EDNRB: variants seen among roughly 807,000 people sequenced by gnomAD.
EDNRB encodes Hirschsprung disease 2.
In EDNRB, 18 loss-of-function variants were observed where a neutral mutation model predicts 46.4. That is an observed-to-expected ratio of 0.39 (90% CI 0.27 to 0.57). EDNRB has a LOEUF of 0.57. Ranked by LOEUF, EDNRB falls within the 20% of genes least tolerant of loss-of-function variation. EDNRB has a pLI of 0.61. For synonymous variants in EDNRB, 213 were observed against 204.9 expected, an observed-to-expected ratio of 1.04 and a Z score of -0.34; for missense variants, 434 against 537.5, an observed-to-expected ratio of 0.81 and a Z score of 1.90.
chr13:77,902,314 T>C (rs1043276848), intron 3 of EDNRB, among the ~76,000 whole-genome samples: 7 of 151,988 alleles, frequency 4.6e-5, no homozygotes, highest in African/African-American at 1.4e-4. Flanking sequence ...AGTAAATTCC[T>C]CTTCAAAGAA....
chr13:77,943,856 T>A (rs7332993), intron 1 of EDNRB, among the ~76,000 whole-genome samples: 90,130 of 151,812 alleles, frequency 0.59, 28,095 homozygotes, highest in Middle Eastern at 0.74. Context: ...TTCTAGAAAA[T>A]TTTAACCTAC....
At chr13:77,934,302 G>A (rs1475432137) in intron 1 of EDNRB, among the ~76,000 whole-genome samples, 1 of 152,272 alleles carries the variant, frequency 6.6e-6, no homozygotes, top group South Asian at 2.1e-4. Flanking sequence ...TTAAGTTGGT[G>A]GCTGAACTTG....
chr13:77,913,529 T>A (rs1236528826), intron 1 of EDNRB, among the ~76,000 whole-genome samples: 1 of 152,164 alleles, frequency 6.6e-6, no homozygotes, highest in Admixed American at 6.6e-5. Context: ...ATGCAATTTC[T>A]TTACACATAA....
intron 3 of EDNRB, among the ~76,000 whole-genome samples, chr13:77,901,457 A>G (rs1355902847): frequency 6.6e-6 from 1 of 152,024 alleles, no homozygotes; most frequent in Non-Finnish European, 1.5e-5. Flanking sequence ...CAAAAACTTA[A>G]GTAGTTAGGC....
At chr13:77,931,751 A>C (rs943322727) in intron 1 of EDNRB, among the ~76,000 whole-genome samples, 3 of 141,716 alleles carry the variant, frequency 2.1e-5, no homozygotes, top group African/African-American at 7.9e-5. Context: ...TAGCAAAAAA[A>C]AAAAAAAAAC....
Position 77,901,088 on chromosome 13 carries a change from C to G in EDNRB, c.921G>C (p.Met307Ile). ...TTAGGTGATCATTTAAAGCAATCTGCATGCCACTTTTCTTTCTCAACATTT... is the reference window on the plus strand; with the variant it reads ...TTAGGTGATCATTTAAAGCAATCTGGATGCCACTTTTCTTTCTCAACATTT... ...TCEMLRKKSG[M>I]QIALNDHLKQ... Residue 307 changes from methionine (M) to isoleucine (I), a missense_variant, in exon 4 of 7, where the codon ATG (methionine) becomes ATC (isoleucine). Transcript: ENST00000646607. The G allele has an allele frequency of 1.2e-6, 2 of 1,611,118 alleles. No individual in the cohort carries two copies. Among genetic ancestry groups the G allele is most frequent in the Non-Finnish European group, 1.7e-6 (2 of 1,178,350 alleles).
upstream of EDNRB, among the ~76,000 whole-genome samples, chr13:77,923,098 G>A (rs1880131360): frequency 6.6e-6 from 1 of 152,114 alleles, no homozygotes; most frequent in Non-Finnish European, 1.5e-5. Flanking sequence ...AATTTGATAG[G>A]TTTAATGTAA....
chr13:77,957,539 T>C (rs1881275569), intron 1 of EDNRB, among the ~76,000 whole-genome samples: 1 of 152,210 alleles, frequency 6.6e-6, no homozygotes, highest in Non-Finnish European at 1.5e-5. Flanking sequence ...AATTTTTATT[T>C]TCCCAGTCTG....
At chr13:77,907,534 C>A (rs1162338377) in intron 1 of EDNRB, among the ~76,000 whole-genome samples, 1 of 151,974 alleles carries the variant, frequency 6.6e-6, no homozygotes, top group African/African-American at 2.4e-5. Context: ...ATCTACCTAT[C>A]CATCCATCTA....
At chr13:77,923,142 T>C (rs916622785), upstream of EDNRB, among the ~76,000 whole-genome samples, 3 of 152,214 alleles carry the variant, frequency 2.0e-5, no homozygotes, top group African/African-American at 7.2e-5. Context: ...CTTTTCTGCC[T>C]ATAGAAAATA....
At position 77,918,034 on chromosome 13, in the gene EDNRB, G is replaced by C; in HGVS notation, c.483+57C>G. 6.2e-7 allele frequency: 1 copy of C among 1,612,298 alleles called. No individual in the cohort carries two copies. The highest frequency in any genetic ancestry group is 8.5e-7 in the Non-Finnish European group (1 of 1,179,838). On this transcript the variant is annotated intron_variant, in intron 1 of 6. Coordinates refer to ENST00000646607, the MANE Select transcript of EDNRB (RefSeq NM_001122659.3). The surrounding 1 kb of genome is among the most constrained non-coding windows in gnomAD (Gnocchi z 4.5). ...CCTCTACAAGCTTTCTCATCTCCCCGTCTCCAACCAGGCCCCCTTCCTCAA... is the reference window on the plus strand; with the variant it reads ...CCTCTACAAGCTTTCTCATCTCCCCCTCTCCAACCAGGCCCCCTTCCTCAA...
chr13:77,969,619 C>G (rs181326483), intron 1 of EDNRB, among the ~76,000 whole-genome samples: 1 of 152,116 alleles, frequency 6.6e-6, no homozygotes, highest in African/African-American at 2.4e-5. Context: ...CAGGCTGATC[C>G]GAGGCCCCTG....
At chr13:77,899,729 T>C in intron 6 of EDNRB, 130 bp downstream of exon 6, 1 of 718,646 alleles carries the variant, frequency 1.4e-6, no homozygotes, top group Non-Finnish European at 2.3e-6. Flanking sequence ...AAAAAAATCA[T>C]CCATGATGTA....
chr13:77,902,710 A>G (rs1879061422), intron 3 of EDNRB, among the ~76,000 whole-genome samples: 1 of 152,014 alleles, frequency 6.6e-6, no homozygotes, highest in Non-Finnish European at 1.5e-5. Context: ...AGTGGGAACT[A>G]GCTACATCAG....
intron 1 of EDNRB, among the ~76,000 whole-genome samples, chr13:77,956,626 G>T (rs903383237): frequency 2.6e-5 from 4 of 152,184 alleles, no homozygotes; most frequent in Non-Finnish European, 5.9e-5. Context: ...GCTAAAAATA[G>T]CACAAATTTA....
intron 1 of EDNRB, among the ~76,000 whole-genome samples, chr13:77,929,633 T>G (rs1880333576): frequency 1.3e-5 from 2 of 152,268 alleles, no homozygotes; most frequent in East Asian, 3.9e-4. Context: ...GGGTGACTAT[T>G]CCAACACTTT....
intron 2 of EDNRB, 52 bp downstream of exon 2, chr13:77,903,443 G>C (rs1288264224): frequency 6.2e-7 from 1 of 1,609,468 alleles, no homozygotes; most frequent in South Asian, 1.1e-5. Context: ...AAGTAACATG[G>C]AAAACAATAG....
At chr13:77,970,667 T>C (rs1338952599) in intron 1 of EDNRB, among the ~76,000 whole-genome samples, 1 of 152,154 alleles carries the variant, frequency 6.6e-6, no homozygotes, top group Non-Finnish European at 1.5e-5. Flanking sequence ...CTTAATTTTA[T>C]TTTAAAAACC....
intron 1 of EDNRB, among the ~76,000 whole-genome samples, chr13:77,942,341 A>G (rs1566329833): frequency 6.6e-6 from 1 of 152,208 alleles, no homozygotes; most frequent in African/African-American, 2.4e-5. Flanking sequence ...AATCTTCACA[A>G]CAACGCTGAA....
Sources: allele counts gnomAD v4.1 joint callset (sites outside exome capture counted in the v4.1 genomes callset), GRCh38; gene constraint gnomAD v4.1.1; non-coding constraint Gnocchi (gnomAD v3.1); transcripts MANE v1.5; gene names NCBI Gene and HGNC (gene_info 2026-07-23, HGNC 2026-07-21).